The following COL18A1 variants were observed in gnomAD, a reference collection of about 807,000 sequenced individuals.
The protein encoded by COL18A1 is collagen type XVIII alpha 1 chain, also known as collagen alpha-1(XVIII) chain.
In COL18A1, 133 loss-of-function variants were observed where a neutral mutation model predicts 168.0. That is an observed-to-expected ratio of 0.79 (90% CI 0.69 to 0.91). The LOEUF (loss-of-function observed/expected upper bound fraction) is 0.91, where lower values mean the gene tolerates loss of function less well. Ranked by LOEUF, COL18A1 falls within the 40% of genes least tolerant of loss-of-function variation. The pLI is 0.00. For synonymous variants in COL18A1, 949 were observed against 809.0 expected (o/e 1.17, Z -2.94); for missense variants, 2,126 against 1,925.4 (o/e 1.10, Z -1.95).
In COL18A1 at chr21:45,463,588, G is replaced by C. The variant is rs187532465; in HGVS notation, c.107-4654G>C. The stretch of plus-strand genomic sequence containing the variant: ...GTACTCCAGAATCATTTTCAAACAC[G>C]TTTCTTTCTGTCAAGAAATCAAGTC... On this transcript the variant is annotated intron_variant, in intron 2 of 41. Transcript: ENST00000651438. This position sits in a 1 kb window ranked among gnomAD's most constrained non-coding sequence, Gnocchi z 4.0. Among the ~76,000 whole-genome samples the C allele has an allele frequency of 6.6e-6, 1 of 152,128 alleles. No individual in the cohort carries two copies. The highest frequency in any genetic ancestry group is 2.1e-4 in the South Asian group (1 of 4,832).
At chr21:45,479,474 CAT>C (rs753630942) in intron 9 of COL18A1, among the ~76,000 whole-genome samples, 6 of 152,080 alleles carry the variant, frequency 3.9e-5, no homozygotes, top group African/African-American at 1.4e-4. Context: ...TGGATACACA[CAT>C]ACACATACCA....
intron 2 of COL18A1, among the ~76,000 whole-genome samples, chr21:45,453,174 TGTGA>T (rs1325054420): frequency 8.5e-5 from 13 of 152,092 alleles, no homozygotes; most frequent in African/African-American, 2.9e-4. Context: ...TGTATGTGTG[TGTGA>T]TTGTGTATGC....
intron 2 of COL18A1, among the ~76,000 whole-genome samples, chr21:45,442,507 C>T (rs964483372): frequency 3.3e-5 from 5 of 152,254 alleles, no homozygotes; most frequent in African/African-American, 4.8e-5. Context: ...TCCTGGACAT[C>T]GTAGTCTCTG....
rs374049871 is a variant in COL18A1, at chr21:45,479,885, C to A, written c.1249-17C>A. 5 of 1,613,234 alleles carry A rather than the reference C, an allele frequency of 3.1e-6. No individual in the cohort carries two copies. The African/African-American group carries it at 6.7e-5, about 22-fold the overall frequency. On this transcript the variant is annotated splice_polypyrimidine_tract_variant and intron_variant, in intron 9 of 41. Transcript: ENST00000651438. ...GTGGTGCCTTCCCTGACCGGGCCCC[C>A]GGATGTTGTGTTCCAGGGCGACACC...
intron 2 of COL18A1, chr21:45,420,285 C>T (rs571791710): frequency 1.6e-4 from 25 of 152,398 alleles, no homozygotes; most frequent in African/African-American, 6.0e-4. Context: ...GCACCTGTCC[C>T]ACGGCCCAGC....
chr21:45,486,790 T>A (rs2036128942), intron 15 of COL18A1, 71 bp from the exon 16 acceptor site: 1 of 1,495,640 alleles, frequency 6.7e-7, no homozygotes. Context: ...TAAGAAAACG[T>A]GTCTACGCTG....
intron 2 of COL18A1, among the ~76,000 whole-genome samples, chr21:45,455,110 C>T (rs1003751436): frequency 6.6e-5 from 10 of 152,236 alleles, no homozygotes; most frequent in Non-Finnish European, 1.0e-4. Flanking sequence ...CGCCTCTGGG[C>T]GTTCCAGGTC....
chr21:45,437,227 C>G (rs760400459), intron 2 of COL18A1, among the ~76,000 whole-genome samples: 32 of 81,340 alleles, frequency 3.9e-4, no homozygotes, highest in South Asian at 8.2e-4. Flanking sequence ...CACACACAGA[C>G]ACACAGGCAC....
rs376461054 is a variant in COL18A1 at position 45,481,974 on chromosome 21, C to A, written c.1623C>A (p.Gly541=). 38 of 1,612,824 alleles carry A rather than the reference C, an allele frequency of 2.4e-5. No individual in the cohort carries two copies. The highest frequency in any genetic ancestry group is 2.3e-4 in the African/African-American group (17 of 75,020). Reference sequence around the variant, plus strand: ...CTGCTCTCCCCCAGGGACCCCCAGGCCCTCCGGGAAGAGAGGGGCCCCCAG... The same window carrying A: ...CTGCTCTCCCCCAGGGACCCCCAGGACCTCCGGGAAGAGAGGGGCCCCCAG... ...PGFPGLPGPP[G]PPGREGPPGR... Residue 541 remains glycine, a synonymous_variant, in exon 14 of 42, where the codon GGC becomes GGA. Coordinates refer to ENST00000651438, the MANE Select transcript of COL18A1 (RefSeq NM_001379500.1).
At chr21:45,405,665 C>T (rs1290311628) in intron 2 of COL18A1, among the ~76,000 whole-genome samples, 192 bp downstream of exon 2, 1 of 151,002 alleles carries the variant, frequency 6.6e-6, no homozygotes, top group Non-Finnish European at 1.5e-5. Flanking sequence ...CCCATTCATT[C>T]TCCCCGCGGG....
At chr21:45,474,102 G>T in intron 4 of COL18A1, 121 bp downstream of exon 4, 1 of 744,712 alleles carries the variant, frequency 1.3e-6, no homozygotes, top group Non-Finnish European at 2.3e-6. Context: ...GGGAAGCTGC[G>T]ATACCATTTC....
At chr21:45,503,019 C>T (rs139725391) in intron 32 of COL18A1, 46 of 152,166 alleles carry the variant, frequency 3.0e-4, no homozygotes, top group African/African-American at 1.0e-3. Context: ...TGAATAATGT[C>T]GCAATAAACA....
intron 2 of COL18A1, among the ~76,000 whole-genome samples, chr21:45,441,797 G>C (rs1017284174): frequency 6.6e-6 from 1 of 152,234 alleles, no homozygotes; most frequent in Non-Finnish European, 1.5e-5. Context: ...ATTTCCAGCA[G>C]AAAATGTCCC....
At position 45,425,306 on chromosome 21, in the gene COL18A1, T is replaced by C. The variant is rs756401248; in HGVS notation, c.106+19833T>C. Among the ~76,000 whole-genome samples, 1 of 152,038 alleles carries C rather than the reference T, an allele frequency of 6.6e-6. No homozygotes were observed. The highest frequency in any genetic ancestry group is 2.4e-5 in the African/African-American group (1 of 41,396). On this transcript the variant is annotated intron_variant, in intron 2 of 41. Transcript: ENST00000651438. This position sits in a 1 kb window ranked among gnomAD's most constrained non-coding sequence, Gnocchi z 4.1. ...GTGTGTGTGTGTGCTGTGAGTGCAG[T>C]GTGACCGCGTCCACCTGTCTCCCTG...
intron 2 of COL18A1, chr21:45,456,582 G>A (rs771121129): frequency 9.1e-6 from 14 of 1,543,014 alleles, no homozygotes; most frequent in African/African-American, 5.5e-5. Context: ...GGCATCTCAC[G>A]CTTCTGGCTG....
intron 15 of COL18A1, 26 bp from the exon 16 acceptor site, chr21:45,486,835 T>C: frequency 6.5e-7 from 1 of 1,527,414 alleles, no homozygotes; most frequent in Non-Finnish European, 8.8e-7. Context: ...GGCTGGGTCC[T>C]GACACGCTCT....
Position 45,421,720 on chromosome 21 carries a change from G to C in COL18A1, c.106+16247G>C, listed in dbSNP as rs1602347199. The C allele has an allele frequency of 2.1e-5, 9 of 432,682 alleles. No individual in the cohort carries two copies. The East Asian group carries it at 5.3e-4, about 25-fold the overall frequency. 26.8% of individuals were successfully genotyped at this position (432,682 alleles called of 1,614,324 possible). On this transcript the variant is annotated intron_variant, in intron 2 of 41. Transcript: ENST00000651438. ...GTACTTGCCGTGCCTGCCTGGCACA[G>C]AGACCCTCATTCCTGCCACCTCCCA...
At chr21:45,429,583 G>A (rs1484685923) in intron 2 of COL18A1, among the ~76,000 whole-genome samples, 1 of 152,154 alleles carries the variant, frequency 6.6e-6, no homozygotes, top group Non-Finnish European at 1.5e-5. Flanking sequence ...GTCTCATGAT[G>A]GGGCTGGAGG....
chr21:45,422,792 C>CT (rs200093729), intron 2 of COL18A1: 2,509 of 184,592 alleles, frequency 0.014, 4 homozygotes, highest in South Asian at 0.028. Context: ...GTCCAAGTGG[C>CT]TTTTTTTTTT....
Sources: allele counts gnomAD v4.1 joint callset (sites outside exome capture counted in the v4.1 genomes callset), GRCh38; gene constraint gnomAD v4.1.1; non-coding constraint Gnocchi (gnomAD v3.1); transcripts MANE v1.5; gene names NCBI Gene and HGNC (gene_info 2026-07-23, HGNC 2026-07-21).